RTN4IP1: variants seen among roughly 807,000 people sequenced by gnomAD.
RTN4IP1 encodes NAD(P)H oxidoreductase RTN4IP1, mitochondrial.
A neutral mutation model predicts 46.6 loss-of-function variants in RTN4IP1; 32 were observed. The observed-to-expected ratio is 0.69, with a 90% CI of 0.52 to 0.92. The LOEUF (loss-of-function observed/expected upper bound fraction) is 0.92. Among genes scored for constraint, RTN4IP1 ranks in the 40% least tolerant of loss-of-function variants. The pLI is 0.00. For missense variants in RTN4IP1, 424 were observed against 485.8 expected (o/e 0.87, Z 1.20); for synonymous variants, 167 against 161.8 (o/e 1.03, Z -0.24).
chr6:106,605,763 G>T (rs372728266), intron 4 of RTN4IP1, among the ~76,000 whole-genome samples: 5 of 145,642 alleles, frequency 3.4e-5, no homozygotes, highest in African/African-American at 2.6e-5. Context: ...GTTGCAGTGA[G>T]CTGAGATCGC....
rs1775070896 is a variant in RTN4IP1 at position 106,571,818 on chromosome 6, G to C, written c.*178C>G. On this transcript the variant is annotated 3_prime_UTR_variant, in exon 9 of 9. Transcript: ENST00000369063. ...TTCTACTGACTACAGACAAATCCAA[G>C]TGCTGATATTTTTATATCAATTACT... 2 of 531,728 alleles carry C rather than the reference G, an allele frequency of 3.8e-6. No individual in the cohort carries two copies. Among genetic ancestry groups the C allele is most frequent in the Non-Finnish European group, 6.7e-6 (2 of 297,204 alleles). 32.9% of individuals were successfully genotyped at this position (531,728 alleles called of 1,614,324 possible).
At chr6:106,618,336 TCCTTA>T (rs1776401329) in intron 4 of RTN4IP1, among the ~76,000 whole-genome samples, 1 of 152,190 alleles carries the variant, frequency 6.6e-6, no homozygotes, top group Admixed American at 6.5e-5. Context: ...GCTCCTTCCT[TCCTTA>T]CAATTGTTAA....
Position 106,572,031 on chromosome 6 carries a change from G to C in RTN4IP1, c.1156C>G (p.His386Asp). The change falls in exon 9 of 9, where the codon CAC becomes GAC. Residue 386 changes from histidine to aspartate, a missense_variant. His to Asp is a moderately conservative substitution (Grantham distance 81). Transcript: ENST00000369063. ...PEAFLKVERG[H>D]ARGKTVINVV ...TTAATTACAGTCTTTCCTCGTGCGT[G>C]TCCTCTTTCCACCTTCAGGAAGGCT... The C allele has an allele frequency of 6.2e-7, 1 of 1,613,498 alleles. No individual in the cohort carries two copies. The highest frequency in any genetic ancestry group is 8.5e-7 in the Non-Finnish European group (1 of 1,179,466).
chr6:106,576,599 C>T (rs963162066), intron 8 of RTN4IP1, among the ~76,000 whole-genome samples: 4 of 152,146 alleles, frequency 2.6e-5, no homozygotes, highest in African/African-American at 7.2e-5. Context: ...AAACGAGGGC[C>T]CAGCTATTCA....
chr6:106,598,972 T>C (rs1357105561), intron 5 of RTN4IP1, among the ~76,000 whole-genome samples: 4 of 152,068 alleles, frequency 2.6e-5, no homozygotes, highest in Non-Finnish European at 5.9e-5. Context: ...AGTCTTCTAT[T>C]ACTAAATGAT....
At chr6:106,602,430 C>A (rs1439301079) in intron 5 of RTN4IP1, among the ~76,000 whole-genome samples, 1 of 152,012 alleles carries the variant, frequency 6.6e-6, no homozygotes, top group Admixed American at 6.6e-5. Flanking sequence ...GGCTTTTTAG[C>A]CTGCAAAAAT....
At chr6:106,609,033 G>A (rs1776156621) in intron 4 of RTN4IP1, among the ~76,000 whole-genome samples, 1 of 152,082 alleles carries the variant, frequency 6.6e-6, no homozygotes, top group African/African-American at 2.4e-5. Context: ...ATTCCTCCAG[G>A]CTCTAGAATG....
At chr6:106,587,040 G>T (rs891730177) in intron 7 of RTN4IP1, among the ~76,000 whole-genome samples, 1 of 152,160 alleles carries the variant, frequency 6.6e-6, no homozygotes, top group Non-Finnish European at 1.5e-5. Flanking sequence ...AAATTTACAC[G>T]GAATACACAG....
chr6:106,590,694 G>A lies in RTN4IP1; in HGVS notation c.806+1470C>T, dbSNP rs1325336082. Among the ~76,000 whole-genome samples, 9 of 122,496 alleles carry A rather than the reference G, an allele frequency of 7.3e-5. No individual in the cohort carries two copies. The East Asian group carries it at 7.5e-4, about 10-fold the overall frequency. 80.4% of individuals were successfully genotyped at this position (122,496 alleles called of 152,430 possible). A position where few individuals can be genotyped will look rare whatever the true frequency, so the allele number is the denominator to read the frequency against. On this transcript the variant is annotated intron_variant, in intron 6 of 8. Coordinates refer to ENST00000369063, the MANE Select transcript of RTN4IP1 (RefSeq NM_032730.5). ...CGTGCCACTGCACTCCAGCCTGGGCGACAGAGTGAGAATCCATCTCAAAAA... is the reference window on the plus strand; with the variant it reads ...CGTGCCACTGCACTCCAGCCTGGGCAACAGAGTGAGAATCCATCTCAAAAA...
intron 4 of RTN4IP1, among the ~76,000 whole-genome samples, chr6:106,606,113 C>T (rs955553527): frequency 6.6e-6 from 1 of 152,098 alleles, no homozygotes; most frequent in African/African-American, 2.4e-5. Flanking sequence ...TAAAGTAGCA[C>T]AAAATCAACA....
chr6:106,629,701 G>A (rs774304169), upstream of RTN4IP1: 1 of 1,606,394 alleles, frequency 6.2e-7, no homozygotes, highest in Non-Finnish European at 8.5e-7. Context: ...CGGAGCCTCC[G>A]AGAAGTGAGT....
intron 4 of RTN4IP1, among the ~76,000 whole-genome samples, chr6:106,607,146 G>C (rs1776098174): frequency 6.6e-6 from 1 of 152,064 alleles, no homozygotes; most frequent in African/African-American, 2.4e-5. Flanking sequence ...AATTGATGTT[G>C]GTGAGAGGAT....
intron 6 of RTN4IP1, among the ~76,000 whole-genome samples, chr6:106,591,950 C>T (rs1316864935): frequency 6.6e-6 from 1 of 152,114 alleles, no homozygotes; most frequent in East Asian, 1.9e-4. Flanking sequence ...AGCAAAATAA[C>T]TTCCTCAGTG....
intron 1 of RTN4IP1, among the ~76,000 whole-genome samples, chr6:106,625,757 G>A (rs967638955): frequency 5.6e-5 from 8 of 143,764 alleles, no homozygotes; most frequent in East Asian, 2.2e-4. Flanking sequence ...TCCGCCTCCC[G>A]GGTTCAAGCG....
rs147898138 is a variant in RTN4IP1 at position 106,624,061 on chromosome 6, T to C, written c.275-1092A>G. On this transcript the variant is annotated intron_variant, in intron 1 of 8. Coordinates refer to ENST00000369063, the MANE Select transcript of RTN4IP1 (RefSeq NM_032730.5). ...TCAAGTTGTTTTATTTCACATCTTTTTATTTATTTTTTTGAGACAGGGTCT... is the reference window on the plus strand; with the variant it reads ...TCAAGTTGTTTTATTTCACATCTTTCTATTTATTTTTTTGAGACAGGGTCT... 3.3e-3 allele frequency among the ~76,000 whole-genome samples: 509 copies of C among 152,294 alleles called. 5 individuals are homozygous for C. The highest frequency in any genetic ancestry group is 0.011 in the African/African-American group (477 of 41,550).
intron 5 of RTN4IP1, among the ~76,000 whole-genome samples, chr6:106,602,018 T>C (rs1449488872): frequency 1.3e-5 from 2 of 152,196 alleles, no homozygotes; most frequent in South Asian, 4.1e-4. Flanking sequence ...AAGGAACTAT[T>C]ATTTTCTCCA....
At chr6:106,619,179 C>T (rs1294398894) in intron 4 of RTN4IP1, 23 bp downstream of exon 4, 10 of 1,612,240 alleles carry the variant, frequency 6.2e-6, no homozygotes, top group Admixed American at 1.7e-5. Context: ...GGTTTAGATG[C>T]TGCCACTGAC....
intron 8 of RTN4IP1, among the ~76,000 whole-genome samples, chr6:106,581,000 G>C (rs1485611391): frequency 2.7e-5 from 4 of 149,992 alleles, no homozygotes; most frequent in Non-Finnish European, 5.9e-5. Context: ...AAAAAAGCAG[G>C]TTGCAGCACA....
chr6:106,620,800 A>C (rs1776467426), intron 3 of RTN4IP1, among the ~76,000 whole-genome samples: 1 of 152,212 alleles, frequency 6.6e-6, no homozygotes, highest in African/African-American at 2.4e-5. Flanking sequence ...GTTTATAAAA[A>C]GACCACATCA....
Sources: gnomAD v4.1 joint callset for allele counts (sites outside exome capture counted in the v4.1 genomes callset) on GRCh38, gnomAD v4.1.1 for gene constraint, MANE v1.5 for transcripts, NCBI Gene and HGNC (gene_info 2026-07-23, HGNC 2026-07-21) for gene names.